The following DGKB variants were observed in gnomAD, a reference collection of about 807,000 sequenced individuals.
DGKB encodes the protein diacylglycerol kinase beta.
A neutral mutation model predicts 114.3 loss-of-function variants in DGKB; 67 were observed. That is an observed-to-expected ratio of 0.59 (90% CI 0.48 to 0.72). The LOEUF (loss-of-function observed/expected upper bound fraction) is 0.72, where lower values mean the gene tolerates loss of function less well. Ranked by LOEUF, DGKB falls within the 30% of genes least tolerant of loss-of-function variation. The pLI, the probability that DGKB is intolerant of heterozygous loss-of-function variation, is 0.00. For missense variants in DGKB, 907 were observed against 975.2 expected (o/e 0.93, Z 0.93); for synonymous variants, 398 against 323.1 (o/e 1.23, Z -2.49).
intron 21 of DGKB, among the ~76,000 whole-genome samples, chr7:14,413,345 G>A (rs542517225): frequency 1.3e-5 from 2 of 152,108 alleles, no homozygotes; most frequent in African/African-American, 4.8e-5. Context: ...TCATGGAGAT[G>A]GGAGATAGGG....
Position 14,471,190 on chromosome 7 carries a change from T to C in DGKB, c.1835+6971A>G, listed in dbSNP as rs796641698. On this transcript the variant is annotated intron_variant, in intron 21 of 25. Transcript: ENST00000402815. ...TATATGGAATATATGTATATATACATATATGTATGGAATATATGTATATAT... is the reference window on the plus strand; with the variant it reads ...TATATGGAATATATGTATATATACACATATGTATGGAATATATGTATATAT... 1.8e-4 allele frequency among the ~76,000 whole-genome samples: 24 copies of C among 133,018 alleles called. 6 individuals are homozygous for C. The South Asian group carries it at 5.7e-3, about 32-fold the overall frequency. 87.3% of individuals were successfully genotyped at this position (133,018 alleles called of 152,430 possible).
intron 9 of DGKB, among the ~76,000 whole-genome samples, chr7:14,690,932 T>C (rs919088807): frequency 3.3e-5 from 5 of 152,184 alleles, no homozygotes; most frequent in African/African-American, 1.2e-4. Context: ...TTCCTTCAAA[T>C]CTAAGAGACA....
In DGKB at chr7:14,363,751, A is replaced by G. The variant is rs1309708613; in HGVS notation, c.1836-18360T>C. 1.5e-4 allele frequency among the ~76,000 whole-genome samples: 23 copies of G among 152,090 alleles called. 1 individual carries two copies. The highest frequency in any genetic ancestry group is 1.5e-3 in the Admixed American group (23 of 15,234). On this transcript the variant is annotated intron_variant, in intron 21 of 25. Transcript: ENST00000402815. ...TTTTTGAGCAATTATTTGCTACAAG[A>G]GCATTCAGGAAATAGAAGCAAAACA... is the stretch of plus-strand genomic sequence containing the variant.
chr7:14,549,404 A>T (rs975105587), intron 20 of DGKB, among the ~76,000 whole-genome samples: 7 of 151,922 alleles, frequency 4.6e-5, no homozygotes, highest in Non-Finnish European at 7.4e-5. Flanking sequence ...AGGAATAAAT[A>T]TTTTTTTTTA....
At chr7:14,852,487 C>CAAAAAAAAAAAAAAACAAAAA in intron 1 of DGKB, among the ~76,000 whole-genome samples, 8 of 63,632 alleles carry the variant, frequency 1.3e-4, no homozygotes, top group African/African-American at 5.4e-4. Flanking sequence ...TAGTGAAAGT[C>CAAAAAAAAAAAAAAACAAAAA]AAAAAAAAAA....
At chr7:14,930,074 G>A (rs1228304360) in intron 1 of DGKB, among the ~76,000 whole-genome samples, 3 of 152,068 alleles carry the variant, frequency 2.0e-5, no homozygotes, top group East Asian at 1.9e-4. Flanking sequence ...CTGTCCCATT[G>A]ATCTGTGTGT....
chr7:14,313,191 C>CT (rs895782181), intron 23 of DGKB, among the ~76,000 whole-genome samples: 1 of 152,216 alleles, frequency 6.6e-6, no homozygotes, highest in Non-Finnish European at 1.5e-5. Flanking sequence ...ACATATCACT[C>CT]TTTTTCCCAA....
chr7:14,274,358 TC>T (rs1798693181), intron 23 of DGKB, among the ~76,000 whole-genome samples: 2 of 152,198 alleles, frequency 1.3e-5, no homozygotes, highest in African/African-American at 4.8e-5. Context: ...GCTGGAGTTT[TC>T]TTACTAAAAT....
intron 20 of DGKB, among the ~76,000 whole-genome samples, chr7:14,527,663 G>T (rs112358211): frequency 6.6e-6 from 1 of 151,872 alleles, no homozygotes; most frequent in African/African-American, 2.4e-5. Flanking sequence ...AATTTTTGTC[G>T]GGTTTAAGAT....
At chr7:14,804,182 T>G (rs1330062142) in intron 2 of DGKB, among the ~76,000 whole-genome samples, 1 of 151,882 alleles carries the variant, frequency 6.6e-6, no homozygotes, top group Non-Finnish European at 1.5e-5. Context: ...GGACTGGTTA[T>G]TATCAATTTA....
chr7:14,881,401 A>G (rs1854211326), intron 1 of DGKB, among the ~76,000 whole-genome samples: 1 of 152,152 alleles, frequency 6.6e-6, no homozygotes, highest in African/African-American at 2.4e-5. Flanking sequence ...TATGACAACA[A>G]GTATTTTCTC....
intron 21 of DGKB, among the ~76,000 whole-genome samples, chr7:14,398,665 G>A (rs1364749816): frequency 1.3e-5 from 2 of 151,898 alleles, no homozygotes; most frequent in Non-Finnish European, 2.9e-5. Flanking sequence ...TAGAATGAGA[G>A]TAGAGCCAGA....
At chr7:14,835,884 C>A (rs1217050324) in intron 2 of DGKB, among the ~76,000 whole-genome samples, 1 of 152,106 alleles carries the variant, frequency 6.6e-6, no homozygotes, top group African/African-American at 2.4e-5. Context: ...GCTACTCTGC[C>A]ATAAACAGCA....
At chr7:14,343,967 G>A (rs941843680) in intron 22 of DGKB, among the ~76,000 whole-genome samples, 5 of 146,652 alleles carry the variant, frequency 3.4e-5, no homozygotes, top group African/African-American at 1.2e-4. Flanking sequence ...ATAACTAAAT[G>A]TAGTTACAGA....
chr7:14,563,648 T>G (rs1334177993), intron 20 of DGKB, among the ~76,000 whole-genome samples: 4 of 152,004 alleles, frequency 2.6e-5, no homozygotes, highest in African/African-American at 4.8e-5. Flanking sequence ...ACTCTGTTTT[T>G]TTTTTTTTTT....
At chr7:14,457,855 T>C (rs981915347) in intron 21 of DGKB, among the ~76,000 whole-genome samples, 4 of 152,214 alleles carry the variant, frequency 2.6e-5, no homozygotes, top group Non-Finnish European at 5.9e-5. Context: ...AAAAGAATTG[T>C]ATACATCTAC....
At chr7:14,347,864 T>C (rs1434642386) in intron 21 of DGKB, among the ~76,000 whole-genome samples, 1 of 152,090 alleles carries the variant, frequency 6.6e-6, no homozygotes, top group Non-Finnish European at 1.5e-5. Flanking sequence ...AAACATAATG[T>C]TGCACATCTT....
At chr7:14,961,943 T>G (rs1786868766) in intron 1 of DGKB, among the ~76,000 whole-genome samples, 1 of 152,114 alleles carries the variant, frequency 6.6e-6, no homozygotes, top group Non-Finnish European at 1.5e-5. Flanking sequence ...GCCCAAAGTA[T>G]TGCACACTAA....
chr7:14,920,163 G>A (rs1375940267), intron 1 of DGKB, among the ~76,000 whole-genome samples: 1 of 152,034 alleles, frequency 6.6e-6, no homozygotes, highest in Non-Finnish European at 1.5e-5. Flanking sequence ...ATGATAATTT[G>A]GACATTAAAT....
Sources: allele counts gnomAD v4.1 joint callset (sites outside exome capture counted in the v4.1 genomes callset), GRCh38; gene constraint gnomAD v4.1.1; transcripts MANE v1.5; gene names NCBI Gene and HGNC (gene_info 2026-07-23, HGNC 2026-07-21).